Variants in SMARCD2 observed in about 807,000 individuals in gnomAD.
The protein encoded by SMARCD2 is SWI/SNF-related matrix-associated actin-dependent regulator of chromatin subfamily D member 2.
Under a neutral mutation model 70.4 loss-of-function variants are expected in SMARCD2, and 39 were observed. The ratio of observed to expected loss-of-function variants is 0.55; its 90% CI spans 0.43 to 0.72. The LOEUF is 0.72. Ranked by LOEUF, SMARCD2 falls within the 30% of genes least tolerant of loss-of-function variation. SMARCD2 has a pLI of 0.00. For synonymous variants in SMARCD2, 249 were observed against 279.4 expected, an observed-to-expected ratio of 0.89 and a Z score of 1.08; for missense variants, 540 against 713.4, an observed-to-expected ratio of 0.76 and a Z score of 2.77.
chr17:63,840,347 T>C (rs956471988), intron 1 of SMARCD2, among the ~76,000 whole-genome samples: 5 of 151,606 alleles, frequency 3.3e-5, no homozygotes, highest in Admixed American at 6.6e-5. Context: ...ATTTTTTTTT[T>C]TTTTTTTAAG....
Position 63,833,832 on chromosome 17 carries a change from G to A in SMARCD2, c.1181+77C>T. On this transcript the variant is annotated intron_variant, in intron 9 of 12. Transcript: ENST00000448276. The surrounding 1 kb of genome is among the most constrained non-coding windows in gnomAD (Gnocchi z 4.3). Reference sequence around the variant, plus strand: ...ACACTCAGGGAAAAAGAAACCTGATGCTTTCTTTGGCTTTAGTTCAAGCCA... The same window carrying A: ...ACACTCAGGGAAAAAGAAACCTGATACTTTCTTTGGCTTTAGTTCAAGCCA... 6.4e-7 allele frequency: 1 copy of A among 1,553,582 alleles called. No homozygotes were observed. Among genetic ancestry groups the A allele is most frequent in the Admixed American group, 1.7e-5 (1 of 58,722 alleles).
intron 1 of SMARCD2, among the ~76,000 whole-genome samples, chr17:63,841,540 G>A (rs1904461469): frequency 6.6e-6 from 1 of 152,250 alleles, no homozygotes; most frequent in African/African-American, 2.4e-5. Flanking sequence ...GCCCTCTGGG[G>A]CAACCTGAAC....
At chr17:63,840,072 T>G (rs1031108186) in intron 1 of SMARCD2, among the ~76,000 whole-genome samples, 2 of 151,698 alleles carry the variant, frequency 1.3e-5, no homozygotes, top group African/African-American at 2.4e-5. Context: ...GAGGTTGCAG[T>G]GAGCTGAGAT....
At chr17:63,835,249 A>G (rs1386039283) in intron 5 of SMARCD2, 163 bp downstream of exon 5, 2 of 652,994 alleles carry the variant, frequency 3.1e-6, no homozygotes, top group Non-Finnish European at 5.2e-6. Context: ...CAGCCTTATG[A>G]GTAGCTGGGA....
Position 63,842,575 on chromosome 17 carries a change from G to A in SMARCD2, c.100C>T (p.Pro34Ser), listed in dbSNP as rs1904513990. Residue 34 changes from proline (P) to serine (S), a missense_variant, in exon 1 of 13, where the codon CCC (proline) becomes TCC (serine). Pro to Ser is a moderately conservative substitution (Grantham distance 74). Transcript: ENST00000448276. ...ALGAPPPPAGPGMLPGPALRG... is the reference protein window; with the variant it reads ...ALGAPPPPAGSGMLPGPALRG... ...AGCGCCGGTCCGGGCAGCATGCCGGGTCCCGCGGGGGGAGGCGGCGCTCCC... is the reference window on the plus strand; with the variant it reads ...AGCGCCGGTCCGGGCAGCATGCCGGATCCCGCGGGGGGAGGCGGCGCTCCC... The A allele has an allele frequency of 8.3e-7, 1 of 1,206,692 alleles. No homozygotes were observed. The highest frequency in any genetic ancestry group is 1.0e-6 in the Non-Finnish European group (1 of 972,070). The allele number at this position is 1,206,692 out of a possible 1,614,324, so 74.7% of individuals were successfully genotyped here. A position where few individuals can be genotyped will look rare whatever the true frequency, so the allele number is the denominator to read the frequency against.
chr17:63,834,615 G>T lies in SMARCD2; in HGVS notation c.820-40C>A. 6.4e-7 allele frequency: 1 copy of T among 1,573,518 alleles called. No homozygotes were observed. The highest frequency in any genetic ancestry group is 8.7e-7 in the Non-Finnish European group (1 of 1,145,552). On this transcript the variant is annotated intron_variant, in intron 6 of 12. Transcript: ENST00000448276. This position sits in a 1 kb window ranked among gnomAD's most constrained non-coding sequence, Gnocchi z 5.6. ...AGCATGGCTTATCACCAAGGGGGTG[G>T]GCGTGAACACAGGGCCTCCCAAGGG...
At chr17:63,836,779 C>G (rs1325108597) in intron 4 of SMARCD2, 143 bp downstream of exon 4, 17 of 712,474 alleles carry the variant, frequency 2.4e-5, no homozygotes, top group Non-Finnish European at 3.4e-5. Flanking sequence ...CCAACACATT[C>G]AACTGAGTTC....
At position 63,837,301 on chromosome 17, in the gene SMARCD2, C is replaced by T. The variant is rs367994485; in HGVS notation, c.402-64G>A. ...CAAAAAAGGACACTCACTCCCATAA[C>T]GCCCCTCCAGTCTCCAGGACCCTCT... is the stretch of plus-strand genomic sequence containing the variant. On this transcript the variant is annotated intron_variant, in intron 2 of 12. Coordinates refer to ENST00000448276, the MANE Select transcript of SMARCD2 (RefSeq NM_001098426.2). This position sits in a 1 kb window ranked among gnomAD's most constrained non-coding sequence, Gnocchi z 6.4. 135 of 1,559,110 alleles carry T rather than the reference C, an allele frequency of 8.7e-5. No homozygotes were observed. The highest frequency in any genetic ancestry group is 8.3e-4 in the Admixed American group (50 of 59,922).
intron 4 of SMARCD2, 64 bp from the exon 5 acceptor site, chr17:63,835,631 A>G: frequency 6.7e-7 from 1 of 1,497,308 alleles, no homozygotes; most frequent in Middle Eastern, 1.7e-4. Context: ...GTGCTACCGC[A>G]TCTTCTCATA....
At position 63,832,139 on chromosome 17, in the gene SMARCD2, A is replaced by G. The variant is rs758343552; in HGVS notation, c.*799T>C. 5.7e-6 allele frequency: 4 copies of G among 696,092 alleles called. No individual in the cohort carries two copies. The highest frequency in any genetic ancestry group is 9.7e-6 in the Non-Finnish European group (4 of 410,306). The allele number at this position is 696,092 out of a possible 1,614,324, so 43.1% of individuals were successfully genotyped here. ...AACCTGCCAGATGTGGCACTCGCCA[A>G]GCCCTAGGCCCACCCTCCTCACCAA... On this transcript the variant is annotated 3_prime_UTR_variant, in exon 13 of 13. Transcript: ENST00000448276.
intron 1 of SMARCD2, among the ~76,000 whole-genome samples, chr17:63,840,872 C>T (rs890725452): frequency 4.6e-5 from 7 of 152,254 alleles, no homozygotes; most frequent in African/African-American, 1.7e-4. Flanking sequence ...CCAGGCCTAA[C>T]CAGCCAGCCA....
chr17:63,834,335 T>G lies in SMARCD2; in HGVS notation c.922-7A>C, dbSNP rs1349546916. On this transcript the variant is annotated splice_polypyrimidine_tract_variant and splice_region_variant and intron_variant, in intron 7 of 12. Coordinates refer to ENST00000448276, the MANE Select transcript of SMARCD2 (RefSeq NM_001098426.2). This position sits in a 1 kb window ranked among gnomAD's most constrained non-coding sequence, Gnocchi z 5.6. ...CCAATTTGTACTGGGGAGGCTGGAG[T>G]TGGATGGAGGGGAGTCAGAACGGGT... is the stretch of plus-strand genomic sequence containing the variant. 3.1e-6 allele frequency: 5 copies of G among 1,608,444 alleles called. No homozygotes were observed. Among genetic ancestry groups the G allele is most frequent in the African/African-American group, 2.7e-5 (2 of 74,530 alleles).
chr17:63,834,390 C>T lies in SMARCD2; in HGVS notation c.922-62G>A. The T allele has an allele frequency of 1.9e-6, 3 of 1,580,186 alleles. No individual in the cohort carries two copies. The highest frequency in any genetic ancestry group is 2.6e-6 in the Non-Finnish European group (3 of 1,155,332). On this transcript the variant is annotated intron_variant, in intron 7 of 12. Coordinates refer to ENST00000448276, the MANE Select transcript of SMARCD2 (RefSeq NM_001098426.2). The surrounding 1 kb of genome is among the most constrained non-coding windows in gnomAD (Gnocchi z 5.6). Reference sequence around the variant, plus strand: ...ATAGTAGAACAGTGGGAAAATAGGGCAGGGACAGGAAGGGTTTCTAGGAAC... The same window carrying T: ...ATAGTAGAACAGTGGGAAAATAGGGTAGGGACAGGAAGGGTTTCTAGGAAC...
Position 63,839,270 on chromosome 17 carries a change from T to TTCA in SMARCD2, c.217-1646_217-1645insTGA, listed in dbSNP as rs1904343774. 3 of 984,658 alleles carry TTCA rather than the reference T, an allele frequency of 3.0e-6. No individual in the cohort carries two copies. In the South Asian group the frequency reaches 1.4e-4, roughly 46 times the overall value. 61.0% of individuals were successfully genotyped at this position (984,658 alleles called of 1,614,324 possible). A position where few individuals can be genotyped will look rare whatever the true frequency, so the allele number is the denominator to read the frequency against. On this transcript the variant is annotated intron_variant, in intron 1 of 12. Coordinates refer to ENST00000448276, the MANE Select transcript of SMARCD2 (RefSeq NM_001098426.2). ...GACAGGGAAGAACTGAAGCAGTGGG[T>TTCA]CCTGCAGAGGTGAGCGAGGGCCCTG... is the stretch of plus-strand genomic sequence containing the variant.
Position 63,835,529 on chromosome 17 carries a change from G to A in SMARCD2, c.606C>T (p.Phe202=). 1 of 1,614,046 alleles carries A rather than the reference G, an allele frequency of 6.2e-7. No individual in the cohort carries two copies. The highest frequency in any genetic ancestry group is 8.5e-7 in the Non-Finnish European group (1 of 1,179,886). The change falls in exon 5 of 13, where the codon TTC becomes TTT. Residue 202 remains phenylalanine, a synonymous_variant. Coordinates refer to ENST00000448276, the MANE Select transcript of SMARCD2 (RefSeq NM_001098426.2). Reference sequence around the variant, plus strand: ...TATCGCCTTCCGCCTTGCTGGGACTGAACGTATTGGAAATGTAGATCCGAA... The same window carrying A: ...TATCGCCTTCCGCCTTGCTGGGACTAAACGTATTGGAAATGTAGATCCGAA... ...RKLRIYISNT[F]SPSKAEGDSA... is the part of the protein sequence containing the mutation.
intron 1 of SMARCD2, chr17:63,838,887 C>T (rs1036804687): frequency 3.2e-5 from 32 of 985,314 alleles, no homozygotes; most frequent in Admixed American, 6.1e-5. Context: ...CTCTTCATCC[C>T]GCACTAAACC....
At chr17:63,839,319 G>GC (rs757830277) in intron 1 of SMARCD2, 4 of 817,256 alleles carry the variant, frequency 4.9e-6, no homozygotes, top group Non-Finnish European at 5.9e-6. Context: ...GCTCCCTGCT[G>GC]CAGTGTTCAC....
At position 63,837,145 on chromosome 17, in the gene SMARCD2, C is replaced by T. The variant is rs2040275558; in HGVS notation, c.444+50G>A. ...CAGCTTTGAGAGAGATGGACACCCA[C>T]CCCAAGGTGGCCACTGGGCAGGCCT... On this transcript the variant is annotated intron_variant, in intron 3 of 12. Coordinates refer to ENST00000448276, the MANE Select transcript of SMARCD2 (RefSeq NM_001098426.2). This position sits in a 1 kb window ranked among gnomAD's most constrained non-coding sequence, Gnocchi z 6.4. The T allele has an allele frequency of 3.1e-6, 5 of 1,611,448 alleles. No individual in the cohort carries two copies. Among genetic ancestry groups the T allele is most frequent in the African/African-American group, 1.3e-5 (1 of 74,988 alleles).
rs1265192980 is a variant in SMARCD2, at chr17:63,834,799, G to C, written c.725C>G (p.Pro242Arg). 6.2e-7 allele frequency: 1 copy of C among 1,607,000 alleles called. No homozygotes were observed. Among genetic ancestry groups the C allele is most frequent in the Non-Finnish European group, 8.5e-7 (1 of 1,173,536 alleles). ...LRVEGKLLDD[P>R]SKQKRKFSSF... Reference sequence around the variant, plus strand: ...AGAAAACTTCCTCTTCTGTTTGCTAGGCTGGGGATGGAAAGGGGTGTGAGA... The same window carrying C: ...AGAAAACTTCCTCTTCTGTTTGCTACGCTGGGGATGGAAAGGGGTGTGAGA... The change falls in exon 6 of 13, where the codon CCT (proline) becomes CGT (arginine). Residue 242 changes from proline (P) to arginine (R), a missense_variant and splice_region_variant. Coordinates refer to ENST00000448276, the MANE Select transcript of SMARCD2 (RefSeq NM_001098426.2). The surrounding 1 kb of genome is among the most constrained non-coding windows in gnomAD (Gnocchi z 5.6).
Sources: gnomAD v4.1 joint callset for allele counts (sites outside exome capture counted in the v4.1 genomes callset) on GRCh38, gnomAD v4.1.1 for gene constraint, Gnocchi (gnomAD v3.1) non-coding constraint, MANE v1.5 for transcripts, NCBI Gene and HGNC (gene_info 2026-07-23, HGNC 2026-07-21) for gene names.